KLF7: variants seen among roughly 807,000 people sequenced by gnomAD.
KLF7 encodes Krueppel-like factor 7.
A neutral mutation model predicts 27.3 loss-of-function variants in KLF7; 2 were observed. That is an observed-to-expected ratio of 0.07 (90% CI 0.03 to 0.23). KLF7 has a LOEUF of 0.23. Ranked by LOEUF, KLF7 falls within the 10% of genes least tolerant of loss-of-function variation. The probability of loss-of-function intolerance (pLI) is 1.00; values close to 1 mark genes in which losing one functional copy is unlikely to be tolerated. For synonymous variants in KLF7, 165 were observed against 162.4 expected (o/e 1.02, Z -0.12); for missense variants, 221 against 394.1 (o/e 0.56, Z 3.72).
chr2:207,141,579 G>T (rs943377851), intron 1 of KLF7, among the ~76,000 whole-genome samples: 1 of 152,158 alleles, frequency 6.6e-6, no homozygotes. Flanking sequence ...ATATCATGTA[G>T]AAAACAGAGG....
intron 1 of KLF7, among the ~76,000 whole-genome samples, chr2:207,143,918 G>A (rs1452934318): frequency 1.3e-5 from 2 of 152,134 alleles, no homozygotes; most frequent in Admixed American, 6.5e-5. Context: ...CCCTGTGACT[G>A]AGAGGCTCAC....
At chr2:207,083,345 C>T (rs2076317765) in intron 3 of KLF7, among the ~76,000 whole-genome samples, 1 of 152,148 alleles carries the variant, frequency 6.6e-6, no homozygotes, top group Non-Finnish European at 1.5e-5. Context: ...TCTCTCTTTC[C>T]CTCCTTCTTT....
At chr2:207,129,759 A>G (rs1430357302) in intron 1 of KLF7, among the ~76,000 whole-genome samples, 19 of 152,180 alleles carry the variant, frequency 1.2e-4, no homozygotes, top group Non-Finnish European at 1.5e-5. Flanking sequence ...TATTTATTCA[A>G]TCATTTGTTT....
chr2:207,133,744 AG>A (rs754937894), intron 1 of KLF7, among the ~76,000 whole-genome samples: 50 of 152,032 alleles, frequency 3.3e-4, no homozygotes, highest in Admixed American at 1.6e-3. Flanking sequence ...TAAGAGGGGG[AG>A]GGGGGGAGCC....
chr2:207,116,613 G>A (rs1182445607), intron 2 of KLF7, among the ~76,000 whole-genome samples: 2 of 151,790 alleles, frequency 1.3e-5, no homozygotes, highest in African/African-American at 2.4e-5. Flanking sequence ...TGATCATGAC[G>A]GTAATTAACA....
intron 2 of KLF7, among the ~76,000 whole-genome samples, chr2:207,120,023 A>G (rs1470503532): frequency 2.6e-5 from 4 of 151,990 alleles, no homozygotes; most frequent in Non-Finnish European, 5.9e-5. Context: ...GCTTCCTTTC[A>G]CTAAATCCTG....
intron 1 of KLF7, chr2:207,149,084 A>G: frequency 8.1e-7 from 1 of 1,228,822 alleles, no homozygotes; most frequent in South Asian, 1.4e-5. Context: ...AGTTTCCATC[A>G]GCTCTTAGGG....
rs141169918 is a variant in KLF7 at position 207,080,596 on chromosome 2, G to T, written c.*617C>A. 1.4e-3 allele frequency: 506 copies of T among 373,226 alleles called. 1 individual carries two copies. The highest frequency in any genetic ancestry group is 3.0e-3 in the Admixed American group (65 of 21,930). The allele number at this position is 373,226 out of a possible 1,614,324, so 23.1% of individuals were successfully genotyped here. Reference sequence around the variant, plus strand: ...TCAATAGTACTAAGAACCAAAACCAGTCAACAGTTCTGTGAGGAAGTCTGA... The same window carrying T: ...TCAATAGTACTAAGAACCAAAACCATTCAACAGTTCTGTGAGGAAGTCTGA... On this transcript the variant is annotated 3_prime_UTR_variant, in exon 4 of 4. Coordinates refer to ENST00000309446, the MANE Select transcript of KLF7 (RefSeq NM_003709.4).
At chr2:207,094,128 T>G (rs2076573631) in intron 2 of KLF7, among the ~76,000 whole-genome samples, 1 of 152,220 alleles carries the variant, frequency 6.6e-6, no homozygotes, top group Non-Finnish European at 1.5e-5. Context: ...AAATGTACTG[T>G]GCTATAAATT....
At chr2:207,147,505 CT>C (rs926464603) in intron 1 of KLF7, among the ~76,000 whole-genome samples, 4 of 152,122 alleles carry the variant, frequency 2.6e-5, no homozygotes, top group East Asian at 1.9e-4. Flanking sequence ...TTTATTCCTT[CT>C]TTTTTTCCCT....
At position 207,074,975 on chromosome 2, in the gene KLF7, G is replaced by A. The variant is rs893686798; in HGVS notation, c.*6238C>T. The A allele has an allele frequency of 6.6e-6, 1 of 152,086 alleles. No individual in the cohort carries two copies. Among genetic ancestry groups the A allele is most frequent in the African/African-American group, 2.4e-5 (1 of 41,506 alleles). The allele number at this position is 152,086 out of a possible 1,614,324, so 9.4% of individuals were successfully genotyped here. On this transcript the variant is annotated 3_prime_UTR_variant, in exon 4 of 4. Transcript: ENST00000309446. ...CGAAGATAACCTAATACAACCTTTTGCTTTCCCTTTCTCCAAGAAAGAAAA... is the reference window on the plus strand; with the variant it reads ...CGAAGATAACCTAATACAACCTTTTACTTTCCCTTTCTCCAAGAAAGAAAA...
chr2:207,120,834 T>C (rs939053634), intron 2 of KLF7: 33 of 151,988 alleles, frequency 2.2e-4, no homozygotes, highest in African/African-American at 8.0e-4. Flanking sequence ...TCCTTCATGC[T>C]GTTTTCATTA....
chr2:207,171,054 A>T (rs2078780839), upstream of KLF7, among the ~76,000 whole-genome samples: 1 of 150,002 alleles, frequency 6.7e-6, no homozygotes, highest in African/African-American at 2.5e-5. Context: ...ACCATACTAG[A>T]TGCTATTGAG....
At chr2:207,169,852 TG>T (rs2078773906), upstream of KLF7, among the ~76,000 whole-genome samples, 1 of 152,082 alleles carries the variant, frequency 6.6e-6, no homozygotes, top group African/African-American at 2.4e-5. Context: ...AACTAGTGTG[TG>T]TGTGCGTGCT....
chr2:207,097,596 C>A (rs966697844), intron 2 of KLF7, among the ~76,000 whole-genome samples: 1 of 152,106 alleles, frequency 6.6e-6, no homozygotes, highest in Non-Finnish European at 1.5e-5. Context: ...GGGTCATGTG[C>A]CATTTTTAAC....
At chr2:207,161,999 C>T (rs528723905) in intron 1 of KLF7, among the ~76,000 whole-genome samples, 42 of 152,266 alleles carry the variant, frequency 2.8e-4, no homozygotes, top group African/African-American at 9.9e-4. Flanking sequence ...CTCAATGACA[C>T]GACGCAAAGC....
chr2:207,165,354 A>AGAAAAAAAAGTCAAAC, intron 1 of KLF7, 113 bp downstream of exon 1: 1 of 1,449,844 alleles, frequency 6.9e-7, no homozygotes, highest in Non-Finnish European at 9.4e-7. Context: ...CCAAAAAGGA[A>AGAAAAAAAAGTCAAAC]GAAAAAAAAG....
intron 1 of KLF7, among the ~76,000 whole-genome samples, chr2:207,147,253 C>T (rs1051892368): frequency 1.3e-5 from 2 of 152,050 alleles, no homozygotes; most frequent in African/African-American, 4.8e-5. Context: ...TTTCAAAAAA[C>T]AGAAACACAG....
chr2:207,170,308 GA>G (rs2078776331), upstream of KLF7, among the ~76,000 whole-genome samples: 1 of 152,202 alleles, frequency 6.6e-6, no homozygotes, highest in Non-Finnish European at 1.5e-5. Flanking sequence ...CGAAGGATGA[GA>G]GAGGTGAGGA....
Sources: gnomAD v4.1 joint callset for allele counts (sites outside exome capture counted in the v4.1 genomes callset) on GRCh38, gnomAD v4.1.1 for gene constraint, MANE v1.5 for transcripts, NCBI Gene and HGNC (gene_info 2026-07-23, HGNC 2026-07-21) for gene names.